GCC2: variants seen among roughly 807,000 people sequenced by gnomAD.
The protein encoded by GCC2 is GRIP and coiled-coil domain-containing protein 2.
A neutral mutation model predicts 210.6 loss-of-function variants in GCC2; 120 were observed. That is an observed-to-expected ratio of 0.57 (90% CI 0.49 to 0.66). GCC2 has a LOEUF of 0.66. Among genes scored for constraint, GCC2 ranks in the 30% least tolerant of loss-of-function variants. The pLI is 0.00. For missense variants in GCC2, 1,868 were observed against 1,871.9 expected (o/e 1.00, Z 0.04); for synonymous variants, 703 against 652.7 (o/e 1.08, Z -1.17).
Position 108,449,635 on chromosome 2 carries a change from T to A in GCC2, c.9T>A (p.Asp3Glu). 1 of 1,613,718 alleles carries A rather than the reference T, an allele frequency of 6.2e-7. No homozygotes were observed. The highest frequency in any genetic ancestry group is 8.5e-7 in the Non-Finnish European group (1 of 1,179,654). Residue 3 changes from aspartate to glutamate, a missense_variant and splice_region_variant, in exon 2 of 23, where the codon GAT becomes GAA. Transcript: ENST00000309863. Reference sequence around the variant, plus strand: ...CTGGGTTTGATTTTGTTTTGCAGGATCTTGTTCAAGATGGGGTGGCTTCAC... The same window carrying A: ...CTGGGTTTGATTTTGTTTTGCAGGAACTTGTTCAAGATGGGGTGGCTTCAC... ME[D>E]LVQDGVASPA...
intron 2 of GCC2, 99 bp downstream of exon 2, chr2:108,449,788 T>C: frequency 1.2e-6 from 1 of 864,570 alleles, no homozygotes; most frequent in Non-Finnish European, 1.9e-6. Context: ...ATTTTTTTTT[T>C]TTTAATAGCC....
At chr2:108,472,960 A>G (rs758982133) in intron 7 of GCC2, 61 bp downstream of exon 7, 22 of 939,540 alleles carry the variant, frequency 2.3e-5, no homozygotes, top group Non-Finnish European at 3.5e-5. Flanking sequence ...TAGTGTTAGA[A>G]TAGATTGGGA....
intron 18 of GCC2, among the ~76,000 whole-genome samples, chr2:108,492,217 A>T (rs936887109): frequency 1.3e-5 from 2 of 151,990 alleles, no homozygotes; most frequent in Non-Finnish European, 2.9e-5. Flanking sequence ...GTTACCACAT[A>T]TGATGATGTG....
Position 108,470,435 on chromosome 2 carries a change from C to T in GCC2, c.1106C>T (p.Ala369Val), listed in dbSNP as rs757422255. 6.2e-7 allele frequency: 1 copy of T among 1,605,548 alleles called. No individual in the cohort carries two copies. Among genetic ancestry groups the T allele is most frequent in the Non-Finnish European group, 8.5e-7 (1 of 1,172,904 alleles). The stretch of plus-strand genomic sequence containing the variant: ...CTTAAGTTAAAACTTGAAATGGATG[C>T]TCAACATATAAAGGATGAGTTTTTT... ...NNLKLKLEMD[A>V]QHIKDEFFHE... The change falls in exon 6 of 23, where the codon GCT becomes GTT. Residue 369 changes from alanine (A) to valine (V), a missense_variant. Around this residue, in one of 3 missense-constraint regions of GCC2, gnomAD observed 1,847 missense variants for 1,765.2 expected, o/e 1.05. Transcript: ENST00000309863.
intron 22 of GCC2, among the ~76,000 whole-genome samples, chr2:108,500,079 A>T (rs992687597): frequency 7.9e-5 from 12 of 152,028 alleles, no homozygotes; most frequent in Non-Finnish European, 1.8e-4. Context: ...ACTTTTTAAA[A>T]AACATTTATT....
In GCC2 at chr2:108,483,043, T is replaced by A; in HGVS notation, c.3346-19T>A. ...AATATTGGTTGGGTGGTGTGGGTTG[T>A]TTTTATTTTTAATTTCAGGAACATG... is the stretch of plus-strand genomic sequence containing the variant. On this transcript the variant is annotated intron_variant, in intron 11 of 22. Transcript: ENST00000309863. The A allele has an allele frequency of 7.4e-7, 1 of 1,351,356 alleles. No homozygotes were observed. Among genetic ancestry groups the A allele is most frequent in the East Asian group, 2.3e-5 (1 of 43,626 alleles). The allele number at this position is 1,351,356 out of a possible 1,614,324, so 83.7% of individuals were successfully genotyped here. A position where few individuals can be genotyped will look rare whatever the true frequency, so the allele number is the denominator to read the frequency against.
intron 2 of GCC2, among the ~76,000 whole-genome samples, chr2:108,450,754 C>T (rs967006278): frequency 2.3e-4 from 35 of 152,070 alleles, no homozygotes; most frequent in African/African-American, 8.5e-4. Context: ...TGGTAGCGGG[C>T]GCCTATGATC....
intron 4 of GCC2, among the ~76,000 whole-genome samples, chr2:108,458,690 G>C (rs1188715917): frequency 1.3e-5 from 2 of 151,810 alleles, no homozygotes; most frequent in Non-Finnish European, 2.9e-5. Flanking sequence ...ATTTCCTCTA[G>C]GTTTTCCAGT....
In GCC2 at chr2:108,475,576, AATAAG is replaced by A; in HGVS notation, c.2907_2911del (p.Lys971SerfsTer24). 6.5e-7 allele frequency: 1 copy of A among 1,531,514 alleles called. No homozygotes were observed. The highest frequency in any genetic ancestry group is 8.8e-7 in the Non-Finnish European group (1 of 1,139,554). 94.9% of individuals were successfully genotyped at this position (1,531,514 alleles called of 1,614,324 possible). ...ATGCAAAGAAAAGGAGGAGAAAATA[AATAAG>A]ATAAAATTAGTTGCCGTAAAGGCAA... On this transcript the variant is annotated frameshift_variant, in exon 8 of 23. Coordinates refer to ENST00000309863, the MANE Select transcript of GCC2 (RefSeq NM_181453.4). LOFTEE classifies it high-confidence loss of function.
rs1683293744 is a variant in GCC2 at position 108,508,080 on chromosome 2, C to CAT, written c.*450_*451insAT. On this transcript the variant is annotated 3_prime_UTR_variant, in exon 23 of 23. Coordinates refer to ENST00000309863, the MANE Select transcript of GCC2 (RefSeq NM_181453.4). ...TTGGGAGGCTGAGGCTGGAGAATTG[C>CAT]TTGAGGCTAGTGAGCTGTGACTCCC... 9.0e-6 allele frequency: 1 copy of CAT among 110,718 alleles called. No homozygotes were observed. The highest frequency in any genetic ancestry group is 2.1e-5 in the Non-Finnish European group (1 of 48,522). The allele number at this position is 110,718 out of a possible 1,614,324, so 6.9% of individuals were successfully genotyped here.
Position 108,470,078 on chromosome 2 carries a change from A to T in GCC2, c.749A>T (p.Glu250Val). 1 of 1,613,660 alleles carries T rather than the reference A, an allele frequency of 6.2e-7. No individual in the cohort carries two copies. Among genetic ancestry groups the T allele is most frequent in the Non-Finnish European group, 8.5e-7 (1 of 1,179,686 alleles). ...ELLQLKAIHQ[E>V]EVKELMCQIE... ...TTACAGTTGAAAGCTATACACCAAGAAGAGGTGAAAGAGTTGATGTGCCAG... is the reference window on the plus strand; with the variant it reads ...TTACAGTTGAAAGCTATACACCAAGTAGAGGTGAAAGAGTTGATGTGCCAG... Residue 250 changes from glutamate to valine, a missense_variant, in exon 6 of 23, where the codon GAA becomes GTA. Glu to Val is a moderately radical substitution (Grantham distance 121). Transcript: ENST00000309863.
chr2:108,472,119 AC>A lies in GCC2; in HGVS notation c.2787+5del. ...GAGCAGAGTTGATACTATTAAAGGT[AC>A]CATTCATTTGAATTCTATTGTTTCA... On this transcript the variant is annotated splice_donor_region_variant and intron_variant, in intron 6 of 22. Transcript: ENST00000309863. 6.7e-7 allele frequency: 1 copy of A among 1,482,032 alleles called. No individual in the cohort carries two copies. The allele number at this position is 1,482,032 out of a possible 1,614,324, so 91.8% of individuals were successfully genotyped here. A position where few individuals can be genotyped will look rare whatever the true frequency, so the allele number is the denominator to read the frequency against.
intron 18 of GCC2, among the ~76,000 whole-genome samples, chr2:108,490,620 TAC>T (rs1201283599): frequency 6.6e-6 from 1 of 152,212 alleles, no homozygotes; most frequent in African/African-American, 2.4e-5. Flanking sequence ...ATATAATATA[TAC>T]CTAATCTTAT....
chr2:108,461,410 G>A (rs1025227030), intron 4 of GCC2, among the ~76,000 whole-genome samples: 2 of 152,086 alleles, frequency 1.3e-5, no homozygotes, highest in Non-Finnish European at 2.9e-5. Flanking sequence ...GGATACCTGG[G>A]CCTCCTATAT....
chr2:108,498,872 T>C (rs1299381195), intron 21 of GCC2, among the ~76,000 whole-genome samples: 1 of 151,412 alleles, frequency 6.6e-6, no homozygotes, highest in Non-Finnish European at 1.5e-5. Context: ...GATGTTCCCC[T>C]CAGCCCATTT....
chr2:108,484,291 A>G lies in GCC2; in HGVS notation c.3593A>G (p.Glu1198Gly). Residue 1198 changes from glutamate to glycine, a missense_variant, in exon 13 of 23, where the codon GAA becomes GGA. Physicochemically the swap from Glu to Gly is moderately conservative, Grantham distance 98. Coordinates refer to ENST00000309863, the MANE Select transcript of GCC2 (RefSeq NM_181453.4). Reference sequence around the variant, plus strand: ...ATAAAAATTCAAAAACAGAAACAAGAAACCCTACAAGAAGAAATAAGTGAG... The same window carrying G: ...ATAAAAATTCAAAAACAGAAACAAGGAACCCTACAAGAAGAAATAAGTGAG... ...QEIKIQKQKQETLQEEITSLQ... is the reference protein window; with the variant it reads ...QEIKIQKQKQGTLQEEITSLQ... 6.5e-7 allele frequency: 1 copy of G among 1,527,476 alleles called. No homozygotes were observed. The highest frequency in any genetic ancestry group is 1.2e-5 in the South Asian group (1 of 82,234). The allele number at this position is 1,527,476 out of a possible 1,614,324, so 94.6% of individuals were successfully genotyped here. A position where few individuals can be genotyped will look rare whatever the true frequency, so the allele number is the denominator to read the frequency against.
chr2:108,467,982 G>A (rs914667387), intron 4 of GCC2, among the ~76,000 whole-genome samples: 1 of 151,472 alleles, frequency 6.6e-6, no homozygotes, highest in Non-Finnish European at 1.5e-5. Context: ...AGTCAGTAAA[G>A]CTTTATTTTT....
intron 5 of GCC2, 164 bp downstream of exon 5, chr2:108,469,248 C>A: frequency 2.0e-6 from 1 of 498,992 alleles, no homozygotes; most frequent in South Asian, 3.7e-5. Context: ...AATCACCTAA[C>A]TATACAGCAA....
At position 108,471,075 on chromosome 2, in the gene GCC2, A is replaced by T. The variant is rs964534174; in HGVS notation, c.1746A>T (p.Leu582Phe). Residue 582 changes from leucine (L) to phenylalanine (F), a missense_variant, in exon 6 of 23, where the codon TTA (leucine) becomes TTT (phenylalanine). Around this residue, in one of 3 missense-constraint regions of GCC2, gnomAD observed 1,847 missense variants for 1,765.2 expected, o/e 1.05. Coordinates refer to ENST00000309863, the MANE Select transcript of GCC2 (RefSeq NM_181453.4). ...GTCTCAGTCAAAGAGATACCATGTT[A>T]AAAGAATTAGAAGGAAAGATAAATT... ...LLSLSQRDTM[L>F]KELEGKINSL... 3.2e-6 allele frequency: 5 copies of T among 1,583,806 alleles called. No homozygotes were observed. The African/African-American group carries it at 4.1e-5, about 13-fold the overall frequency.
Sources: gnomAD v4.1 joint callset for allele counts (sites outside exome capture counted in the v4.1 genomes callset) on GRCh38, gnomAD v4.1.1 for gene constraint, gnomAD v4.1.1 regional missense constraint, MANE v1.5 for transcripts, NCBI Gene and HGNC (gene_info 2026-07-23, HGNC 2026-07-21) for gene names.